ACOT9: variants seen among roughly 807,000 people sequenced by gnomAD.
ACOT9 encodes the protein acyl-CoA thioesterase 9, also known as acyl-coenzyme A thioesterase 9, mitochondrial.
Under a neutral mutation model 39.7 loss-of-function variants are expected in ACOT9, and 34 were observed. That is an observed-to-expected ratio of 0.86 (90% CI 0.65 to 1.14). ACOT9 has a LOEUF of 1.14. Among genes scored for constraint, ACOT9 ranks in the 50% most tolerant of loss-of-function variants. ACOT9 has a pLI of 0.00. For missense variants in ACOT9, 313 were observed against 344.1 expected (o/e 0.91, Z 0.71); for synonymous variants, 110 against 120.5 (o/e 0.91, Z 0.57).
chrX:23,739,508 A>C (rs1930060658), intron 1 of ACOT9, among the ~76,000 whole-genome samples: 1 of 111,396 alleles, frequency 9.0e-6, no homozygotes, highest in African/African-American at 3.3e-5. Flanking sequence ...TCTCCCCTAA[A>C]GATCAAAAAG....
chrX:23,736,493 G>A (rs889391605), intron 1 of ACOT9, among the ~76,000 whole-genome samples: 6 of 111,732 alleles, frequency 5.4e-5, no homozygotes, highest in Admixed American at 2.9e-4. Context: ...TTTAACTTAC[G>A]CAGAAATTTT....
At chrX:23,735,313 G>C (rs1373232759) in intron 2 of ACOT9, among the ~76,000 whole-genome samples, 1 of 103,014 alleles carries the variant, frequency 9.7e-6, no homozygotes, top group Admixed American at 1.1e-4. Flanking sequence ...GACTACTGAT[G>C]CTCACTGACA....
At chrX:23,738,941 T>A (rs959000655) in intron 1 of ACOT9, among the ~76,000 whole-genome samples, 1 of 93,675 alleles carries the variant, frequency 1.1e-5, no homozygotes, top group Non-Finnish European at 2.1e-5. Context: ...ATCCTGTTTG[T>A]GTGAGAGGCA....
chrX:23,717,033 T>G (rs2146828547), intron 8 of ACOT9, among the ~76,000 whole-genome samples: 1 of 111,436 alleles, frequency 9.0e-6, no homozygotes, highest in Admixed American at 9.6e-5. Flanking sequence ...TTTTGTATTT[T>G]TAGTAGAGAT....
At chrX:23,725,500 G>C (rs752488158) in intron 6 of ACOT9, among the ~76,000 whole-genome samples, 141 of 99,158 alleles carry the variant, frequency 1.4e-3, no homozygotes, top group African/African-American at 5.1e-3. Flanking sequence ...GATAAAGATG[G>C]TAAATTTTAT....
rs768158515 is a variant in ACOT9, at chrX:23,730,921, C to G, written c.257G>C (p.Gly86Ala). The G allele has an allele frequency of 2.5e-6, 3 of 1,210,493 alleles. No homozygotes were observed. Among genetic ancestry groups the G allele is most frequent in the South Asian group, 3.5e-5 (2 of 56,930 alleles). ...GTCCTTCATTCTCCTAGGAGGCAGT[C>G]CATCCTGTGATTTAGCCAAGAAACT... ...LHSFLAKSQD[G>A]LPPRRMKDSY... The change falls in exon 5 of 16, where the codon GGA (glycine) becomes GCA (alanine). Residue 86 changes from glycine (G) to alanine (A), a missense_variant. Coordinates refer to ENST00000379303, the MANE Select transcript of ACOT9 (RefSeq NM_001037171.2).
chrX:23,738,142 C>T (rs1930007912), intron 1 of ACOT9, among the ~76,000 whole-genome samples: 1 of 109,251 alleles, frequency 9.2e-6, no homozygotes, highest in African/African-American at 3.3e-5. Flanking sequence ...GCTGGGATTA[C>T]AGGCATGAGC....
At chrX:23,708,538 GAAA>G (rs567506307) in intron 9 of ACOT9, among the ~76,000 whole-genome samples, 1 of 70,854 alleles carries the variant, frequency 1.4e-5, no homozygotes, top group Non-Finnish European at 2.5e-5. Flanking sequence ...CTCAAAAAAA[GAAA>G]AAAAAAAAAA....
chrX:23,724,953 C>G (rs764512470), intron 6 of ACOT9, among the ~76,000 whole-genome samples: 2 of 110,477 alleles, frequency 1.8e-5, no homozygotes, highest in Non-Finnish European at 3.8e-5. Context: ...AAAAATAAAT[C>G]TAGTAGCTAA....
At chrX:23,710,782 T>C (rs1019279028) in intron 9 of ACOT9, among the ~76,000 whole-genome samples, 3 of 110,491 alleles carry the variant, frequency 2.7e-5, no homozygotes, top group South Asian at 3.8e-4. Flanking sequence ...TGAGCCGAGA[T>C]TGCGCCACTG....
intron 9 of ACOT9, among the ~76,000 whole-genome samples, chrX:23,711,901 G>T (rs1289516048): frequency 1.8e-5 from 2 of 110,581 alleles, no homozygotes; most frequent in African/African-American, 6.6e-5. Context: ...CTAATACAAG[G>T]CTTTAGATCT....
intron 2 of ACOT9, 61 bp from the exon 3 acceptor site, chrX:23,734,428 A>C: frequency 1.0e-6 from 1 of 954,343 alleles, no homozygotes; most frequent in Non-Finnish European, 1.5e-6. Context: ...TAAAAGATAA[A>C]TCTGTAGTAT....
chrX:23,732,688 C>T (rs1471054850), intron 4 of ACOT9, among the ~76,000 whole-genome samples: 1 of 111,005 alleles, frequency 9.0e-6, no homozygotes, highest in East Asian at 2.8e-4. Context: ...TCCTACTTTA[C>T]AACAAGGAAA....
At chrX:23,715,621 G>A (rs777259601) in intron 8 of ACOT9, among the ~76,000 whole-genome samples, 68 of 111,299 alleles carry the variant, frequency 6.1e-4, no homozygotes, top group Non-Finnish European at 1.1e-3. Context: ...AACAATGAAT[G>A]CTCCCACCAG....
intron 1 of ACOT9, among the ~76,000 whole-genome samples, chrX:23,742,209 T>TGAAAGAGAGAGAGAGAGA (rs1920973463): frequency 1.8e-5 from 1 of 56,292 alleles, no homozygotes; most frequent in Non-Finnish European, 2.9e-5. Flanking sequence ...GAACAGTGAG[T>TGAAAGAGAGAGAGAGAGA]GAGTGAGAGA....
Position 23,703,890 on chromosome X carries a change from G to A in ACOT9, c.*4C>T. ...AGTGCTAGTTTTCAACAAATGTGGT[G>A]TTCTTAGGGCTCCACAAGGTAGTCC... On this transcript the variant is annotated 3_prime_UTR_variant, in exon 16 of 16. Coordinates refer to ENST00000379303, the MANE Select transcript of ACOT9 (RefSeq NM_001037171.2). 8.3e-7 allele frequency: 1 copy of A among 1,206,843 alleles called. No individual in the cohort carries two copies. The highest frequency in any genetic ancestry group is 1.8e-5 in the South Asian group (1 of 56,777).
At chrX:23,706,780 G>A (rs375391179) in intron 10 of ACOT9, 41 bp from the exon 11 acceptor site, 12 of 790,453 alleles carry the variant, frequency 1.5e-5, no homozygotes, top group African/African-American at 2.1e-5. Context: ...CAGGACGGTC[G>A]CACTACAGCA....
rs766704590 is a variant in ACOT9 at position 23,704,861 on chromosome X, A to T, written c.1108-17T>A. 5.9e-6 allele frequency: 7 copies of T among 1,190,052 alleles called. No homozygotes were observed. In the African/African-American group the frequency reaches 1.2e-4, roughly 21 times the overall value. ...AAAGCATACCTAACAGATTATAGAC[A>T]CTATAATCAGTCAACTGCATTAGGA... On this transcript the variant is annotated splice_polypyrimidine_tract_variant and intron_variant, in intron 14 of 15. Transcript: ENST00000379303.
intron 8 of ACOT9, 54 bp downstream of exon 8, chrX:23,721,827 T>G: frequency 3.0e-5 from 31 of 1,020,401 alleles, no homozygotes; most frequent in Non-Finnish European, 3.8e-5. Context: ...TTTTCTTGCA[T>G]GGAGACTAGC....
Sources: gnomAD v4.1 joint callset for allele counts (sites outside exome capture counted in the v4.1 genomes callset) on GRCh38, gnomAD v4.1.1 for gene constraint, MANE v1.5 for transcripts, NCBI Gene and HGNC (gene_info 2026-07-23, HGNC 2026-07-21) for gene names.